The following XRCC5 variants were observed in gnomAD, a reference collection of about 807,000 sequenced individuals.
XRCC5 encodes DNA repair protein Ku80.
XRCC5 carries 12 observed loss-of-function variants against 95.7 expected under a neutral mutation model. The ratio of observed to expected loss-of-function variants is 0.13; its 90% CI spans 0.08 to 0.20. The LOEUF is 0.20. XRCC5 is among the 10% of genes least tolerant of loss of function. The probability of loss-of-function intolerance (pLI) is 1.00; values close to 1 mark genes in which losing one functional copy is unlikely to be tolerated. For synonymous variants in XRCC5, 281 were observed against 290.3 expected (o/e 0.97, Z 0.33); for missense variants, 595 against 873.9 (o/e 0.68, Z 4.02).
chr2:216,130,363 T>C (rs1696976807), intron 8 of XRCC5, among the ~76,000 whole-genome samples: 1 of 151,816 alleles, frequency 6.6e-6, no homozygotes, highest in Non-Finnish European at 1.5e-5. Flanking sequence ...ATATAACTTA[T>C]CAATTGAATG....
chr2:216,115,102 C>T (rs1283386430), intron 2 of XRCC5, among the ~76,000 whole-genome samples: 2 of 152,210 alleles, frequency 1.3e-5, no homozygotes, highest in African/African-American at 4.8e-5. Flanking sequence ...TCTGCTTTCT[C>T]CAGTAAACTC....
intron 16 of XRCC5, among the ~76,000 whole-genome samples, chr2:216,169,498 G>T (rs1451478271): frequency 6.6e-6 from 1 of 152,178 alleles, no homozygotes; most frequent in Non-Finnish European, 1.5e-5. Context: ...GTCAGCATCT[G>T]GTAGAGCTGC....
chr2:216,142,376 A>T (rs900303997), intron 13 of XRCC5, among the ~76,000 whole-genome samples: 1 of 152,338 alleles, frequency 6.6e-6, no homozygotes, highest in Admixed American at 6.5e-5. Flanking sequence ...ATTATTAAAG[A>T]ATAATTAAAA....
At chr2:216,172,356 G>A (rs75659018) in intron 16 of XRCC5, among the ~76,000 whole-genome samples, 3,030 of 151,576 alleles carry the variant, frequency 0.02, 103 homozygotes, top group African/African-American at 0.069. Flanking sequence ...AAGAAAAAAA[G>A]ACTAAAAAAT....
At chr2:216,117,918 AT>A in intron 4 of XRCC5, 124 bp downstream of exon 4, 1 of 1,008,696 alleles carries the variant, frequency 9.9e-7, no homozygotes, top group Non-Finnish European at 1.5e-6. Flanking sequence ...CAAGAGAAAC[AT>A]TTTATAGAAT....
chr2:216,110,680 G>T (rs1449163219), intron 1 of XRCC5: 1 of 152,172 alleles, frequency 6.6e-6, no homozygotes, highest in African/African-American at 2.4e-5. Flanking sequence ...GAAACCCTTT[G>T]ATGGCACTTA....
At chr2:216,167,175 C>T (rs906577669) in intron 16 of XRCC5, among the ~76,000 whole-genome samples, 16 of 152,182 alleles carry the variant, frequency 1.1e-4, no homozygotes, top group African/African-American at 3.6e-4. Context: ...GTAATATGTA[C>T]TTGTCCATTT....
At chr2:216,156,578 T>A in intron 14 of XRCC5, 1 of 587,614 alleles carries the variant, frequency 1.7e-6, no homozygotes. Flanking sequence ...CCCATGGTAC[T>A]CACGAACTTG....
chr2:216,183,921 T>G (rs778812292), intron 16 of XRCC5, among the ~76,000 whole-genome samples: 1 of 152,130 alleles, frequency 6.6e-6, no homozygotes, highest in Non-Finnish European at 1.5e-5. Context: ...AATATTTCAT[T>G]AAAGACCATG....
chr2:216,192,363 T>A (rs1191954784), intron 17 of XRCC5, among the ~76,000 whole-genome samples: 1 of 152,114 alleles, frequency 6.6e-6, no homozygotes, highest in Non-Finnish European at 1.5e-5. Flanking sequence ...TGTTTTTGTT[T>A]GGGATTTTCT....
chr2:216,180,884 C>T (rs1275180370), intron 16 of XRCC5, among the ~76,000 whole-genome samples: 1 of 150,972 alleles, frequency 6.6e-6, no homozygotes, highest in African/African-American at 2.4e-5. Flanking sequence ...GCGATCTCGG[C>T]TCACTGCAAC....
chr2:216,191,816 A>G (rs1042987952), intron 17 of XRCC5, among the ~76,000 whole-genome samples: 4 of 152,178 alleles, frequency 2.6e-5, no homozygotes, highest in Non-Finnish European at 5.9e-5. Flanking sequence ...CTAATTTTTT[A>G]TGTGGTGTTA....
At position 216,205,283 on chromosome 2, in the gene XRCC5, A is replaced by T. The variant is rs375608601; in HGVS notation, c.*81A>T. The T allele has an allele frequency of 6.3e-7, 1 of 1,579,982 alleles. No individual in the cohort carries two copies. Among genetic ancestry groups the T allele is most frequent in the African/African-American group, 1.3e-5 (1 of 74,180 alleles). ...CTAACAAAACAAGTTGGATGCGGCC[A>T]TTCAAGGGGAGCCAAAATCTCAAGA... On this transcript the variant is annotated 3_prime_UTR_variant, in exon 21 of 21. Coordinates refer to ENST00000392132, the MANE Select transcript of XRCC5 (RefSeq NM_021141.4).
intron 16 of XRCC5, among the ~76,000 whole-genome samples, chr2:216,166,686 A>G (rs1559253710): frequency 6.6e-6 from 1 of 152,228 alleles, no homozygotes. Flanking sequence ...CAACTTAGGA[A>G]GAATGCTAAA....
At chr2:216,187,861 T>TCTCTCCCC (rs143232624) in intron 16 of XRCC5, among the ~76,000 whole-genome samples, 1 of 116,236 alleles carries the variant, frequency 8.6e-6, no homozygotes, top group African/African-American at 4.2e-5. Flanking sequence ...TCTCTCTCTC[T>TCTCTCCCC]CCCCGTCTCC....
rs113949651 is a variant in XRCC5 at position 216,142,121 on chromosome 2, A to G, written c.1476+802A>G. ...TCCTAGGCTCAAGCATTCTGAGTAG[A>G]TGGGACTCCAGGTGTATACCATTGC... is the stretch of plus-strand genomic sequence containing the variant. On this transcript the variant is annotated intron_variant, in intron 13 of 20. Coordinates refer to ENST00000392132, the MANE Select transcript of XRCC5 (RefSeq NM_021141.4). Among the ~76,000 whole-genome samples, 373 of 152,228 alleles carry G rather than the reference A, an allele frequency of 2.5e-3. 3 individuals are homozygous for G. Among genetic ancestry groups the G allele is most frequent in the African/African-American group, 8.4e-3 (349 of 41,538 alleles).
chr2:216,203,149 C>T (rs1347134272), intron 19 of XRCC5, among the ~76,000 whole-genome samples: 1 of 152,156 alleles, frequency 6.6e-6, no homozygotes. Flanking sequence ...GAAGCAACTA[C>T]AGGAGAGCAT....
chr2:216,129,246 C>G (rs767269197), intron 8 of XRCC5, among the ~76,000 whole-genome samples: 2 of 152,196 alleles, frequency 1.3e-5, no homozygotes, highest in Non-Finnish European at 2.9e-5. Flanking sequence ...GAGTTAAAAA[C>G]TGCTTGGGTT....
intron 19 of XRCC5, among the ~76,000 whole-genome samples, chr2:216,200,550 A>T (rs991079303): frequency 6.6e-6 from 1 of 152,220 alleles, no homozygotes; most frequent in Non-Finnish European, 1.5e-5. Flanking sequence ...ACATGTGTAC[A>T]GTAAATGCAC....
Sources: allele counts gnomAD v4.1 joint callset (sites outside exome capture counted in the v4.1 genomes callset), GRCh38; gene constraint gnomAD v4.1.1; transcripts MANE v1.5; gene names NCBI Gene and HGNC (gene_info 2026-07-23, HGNC 2026-07-21).